The following PCDH11X variants were observed in gnomAD, a reference collection of about 807,000 sequenced individuals.
PCDH11X encodes protocadherin-11 X-linked.
In PCDH11X, 18 loss-of-function variants were observed where a neutral mutation model predicts 53.3. The ratio of observed to expected loss-of-function variants is 0.34; its 90% confidence interval spans 0.23 to 0.50. The LOEUF is 0.50. Ranked by LOEUF, PCDH11X falls within the 20% of genes least tolerant of loss-of-function variation. The pLI, the probability that PCDH11X is intolerant of heterozygous loss-of-function variation, is 0.98. For synonymous variants in PCDH11X, 279 were observed against 393.3 expected, an observed-to-expected ratio of 0.71 and a Z score of 3.44; for missense variants, 570 against 1,032.4, an observed-to-expected ratio of 0.55 and a Z score of 6.14.
chrX:91,994,129 A>G (rs1169335483), intron 6 of PCDH11X, among the ~76,000 whole-genome samples: 1 of 94,964 alleles, frequency 1.1e-5, no homozygotes, highest in Non-Finnish European at 2.1e-5. Context: ...ATACACATAT[A>G]CATTGTGAAA....
chrX:92,321,606 G>A lies in PCDH11X; in HGVS notation c.3144+58463G>A, dbSNP rs190147551. ...CATAATTTATTCTTTAAGTTTAAGA[G>A]TCTTAATTAACCCTTGCCTGCTAAG... On this transcript the variant is annotated intron_variant, in intron 8 of 10. Transcript: ENST00000682573. Among the ~76,000 whole-genome samples, 367 of 111,972 alleles carry A rather than the reference G, an allele frequency of 3.3e-3. 2 individuals are homozygous for A. Among genetic ancestry groups the A allele is most frequent in the Middle Eastern group, 0.014 (3 of 214 alleles).
At chrX:92,148,772 G>A (rs5942121) in intron 6 of PCDH11X, among the ~76,000 whole-genome samples, 45,990 of 98,986 alleles carry the variant, frequency 0.46, 7,942 homozygotes, top group Non-Finnish European at 0.51. Flanking sequence ...ATATATATAT[G>A]TGTGTGTATA....
chrX:92,597,514 G>A (rs930367080), intron 10 of PCDH11X, among the ~76,000 whole-genome samples: 118 of 111,071 alleles, frequency 1.1e-3, no homozygotes, highest in African/African-American at 3.2e-3. Flanking sequence ...AAACACTGAC[G>A]AAAAAAATTT....
intron 7 of PCDH11X, among the ~76,000 whole-genome samples, chrX:92,245,382 A>C (rs1206267363): frequency 8.9e-6 from 1 of 112,368 alleles, no homozygotes; most frequent in Non-Finnish European, 1.9e-5. Context: ...CTTATTGTAT[A>C]TCTCTGCTAA....
chrX:92,618,112 A>G (rs1602460474), intron 10 of PCDH11X, 152 bp from the exon 11 acceptor site: 1 of 747,404 alleles, frequency 1.3e-6, no homozygotes, highest in East Asian at 3.5e-5. Context: ...AGAATTACTG[A>G]CAAATTAAAA....
chrX:92,500,228 A>G (rs2073937704), intron 10 of PCDH11X, among the ~76,000 whole-genome samples: 2 of 111,680 alleles, frequency 1.8e-5, no homozygotes, highest in Admixed American at 1.9e-4. Flanking sequence ...AAAAGATCAT[A>G]TTTCAGGGAT....
intron 8 of PCDH11X, among the ~76,000 whole-genome samples, chrX:92,291,136 C>T (rs915754365): frequency 9.3e-6 from 1 of 107,050 alleles, no homozygotes; most frequent in African/African-American, 3.4e-5. Flanking sequence ...TCTGGAACTC[C>T]TGGGCTCAAA....
intron 9 of PCDH11X, among the ~76,000 whole-genome samples, chrX:92,427,093 T>TA (rs1285387367): frequency 9.1e-6 from 1 of 110,495 alleles, no homozygotes; most frequent in Non-Finnish European, 1.9e-5. Context: ...TTCAGCTTTA[T>TA]AAAAAAATTT....
intron 6 of PCDH11X, among the ~76,000 whole-genome samples, chrX:91,966,664 A>G (rs1441262548): frequency 8.1e-5 from 9 of 111,792 alleles, no homozygotes; most frequent in Non-Finnish European, 1.5e-4. Context: ...TAAATAAAAT[A>G]AAATAATAAA....
intron 6 of PCDH11X, among the ~76,000 whole-genome samples, chrX:92,002,186 C>T (rs1180796307): frequency 9.0e-6 from 1 of 110,883 alleles, no homozygotes; most frequent in Non-Finnish European, 1.9e-5. Context: ...GTTCTTGGAA[C>T]CTTTGTCAAA....
At chrX:92,584,616 G>A (rs1036583477) in intron 10 of PCDH11X, among the ~76,000 whole-genome samples, 10 of 109,176 alleles carry the variant, frequency 9.2e-5, no homozygotes, top group African/African-American at 3.3e-4. Flanking sequence ...TAACTTTGTT[G>A]TTAAAAATAT....
intron 8 of PCDH11X, among the ~76,000 whole-genome samples, chrX:92,282,615 G>A (rs913076787): frequency 4.5e-5 from 5 of 111,421 alleles, no homozygotes; most frequent in Non-Finnish European, 7.6e-5. Context: ...AAATAAAATA[G>A]CATTTATGCT....
chrX:92,221,841 A>G (rs1603206649), intron 7 of PCDH11X, among the ~76,000 whole-genome samples: 1 of 104,986 alleles, frequency 9.5e-6, no homozygotes, highest in Non-Finnish European at 2.0e-5. Context: ...TCTTAAATAG[A>G]TTTTTTTTTT....
intron 10 of PCDH11X, among the ~76,000 whole-genome samples, chrX:92,497,333 G>T (rs1189383299): frequency 9.0e-6 from 1 of 111,017 alleles, no homozygotes; most frequent in Non-Finnish European, 1.9e-5. Context: ...GGTCTTAAAG[G>T]AGCCTGACCA....
intron 6 of PCDH11X, among the ~76,000 whole-genome samples, chrX:92,018,532 T>C (rs1172222377): frequency 1.4e-4 from 16 of 112,164 alleles, no homozygotes; most frequent in Non-Finnish European, 2.6e-4. Flanking sequence ...AGCCCACTTG[T>C]GAGTAATGAA....
intron 6 of PCDH11X, among the ~76,000 whole-genome samples, chrX:92,079,740 C>T (rs1452402693): frequency 2.7e-5 from 3 of 111,189 alleles, no homozygotes; most frequent in East Asian, 2.8e-4. Context: ...ATGACTACTT[C>T]GAATAACAAT....
chrX:92,315,057 A>C (rs776206814), intron 8 of PCDH11X, among the ~76,000 whole-genome samples: 69 of 111,065 alleles, frequency 6.2e-4, no homozygotes, highest in African/African-American at 2.0e-3. Flanking sequence ...AAGAATCTTC[A>C]TCAATGTCCC....
chrX:91,875,421 C>T (rs1021422632), intron 5 of PCDH11X, among the ~76,000 whole-genome samples: 3 of 107,007 alleles, frequency 2.8e-5, no homozygotes, highest in African/African-American at 6.8e-5. Flanking sequence ...CAGCTGGGAC[C>T]ACAGGCGCCC....
At chrX:92,460,149 T>C in intron 9 of PCDH11X, 13 of 1,019,452 alleles carry the variant, frequency 1.3e-5, no homozygotes, top group Non-Finnish European at 1.8e-5. Context: ...TTGCTGCTGA[T>C]GACTTTAGAG....
Sources: allele counts gnomAD v4.1 joint callset (sites outside exome capture counted in the v4.1 genomes callset), GRCh38; gene constraint gnomAD v4.1.1; transcripts MANE v1.5; gene names NCBI Gene and HGNC (gene_info 2026-07-23, HGNC 2026-07-21).